The following PACRGL variants were observed in gnomAD, a reference collection of about 807,000 sequenced individuals.
The protein encoded by PACRGL is PACRG-like protein.
A neutral mutation model predicts 34.5 loss-of-function variants in PACRGL; 38 were observed. That is an observed-to-expected ratio of 1.10 (90% CI 0.85 to 1.44). The LOEUF is 1.44. Among genes scored for constraint, PACRGL ranks in the 40% most tolerant of loss-of-function variants. The probability of loss-of-function intolerance (pLI) is 0.00; values close to 1 mark genes in which losing one functional copy is unlikely to be tolerated. For missense variants in PACRGL, 305 were observed against 281.4 expected (o/e 1.08, Z -0.60); for synonymous variants, 128 against 100.1 (o/e 1.28, Z -1.66).
chr4:20,715,971 G>A (rs1739766252), intron 7 of PACRGL: 3 of 734,280 alleles, frequency 4.1e-6, no homozygotes, highest in Non-Finnish European at 6.5e-6. Context: ...ACTGTCTTGT[G>A]TAATTATATG....
At chr4:20,761,073 T>C in the PACRGL span, among the ~76,000 whole-genome samples, 4 of 152,182 alleles carry the variant, frequency 2.6e-5, no homozygotes, top group Non-Finnish European at 5.9e-5. Context: ...GGGGGCCTCA[T>C]TGAATCAGTT....
At chr4:20,756,957 T>A (rs1206161412), downstream of PACRGL, among the ~76,000 whole-genome samples, 1 of 152,072 alleles carries the variant, frequency 6.6e-6, no homozygotes, top group Non-Finnish European at 1.5e-5. Context: ...AACCACTACT[T>A]CTTGATTAAT....
At chr4:20,751,660 G>T (rs1753662096) in intron 8 of PACRGL, among the ~76,000 whole-genome samples, 1 of 152,112 alleles carries the variant, frequency 6.6e-6, no homozygotes, top group African/African-American at 2.4e-5. Context: ...CATAAATAAT[G>T]GCTCAAAACA....
At chr4:20,709,804 G>A (rs1468879174) in intron 5 of PACRGL, 31 bp downstream of exon 5, 2 of 1,494,892 alleles carry the variant, frequency 1.3e-6, no homozygotes, top group Non-Finnish European at 1.9e-6. Context: ...ATATTTATCA[G>A]AAAATAAACA....
At chr4:20,734,049 G>A (rs1416151305), downstream of PACRGL, among the ~76,000 whole-genome samples, 1 of 152,110 alleles carries the variant, frequency 6.6e-6, no homozygotes, top group African/African-American at 2.4e-5. Context: ...TTTAGGGAGT[G>A]GTCTTTCAAC....
intron 3 of PACRGL, 143 bp downstream of exon 3, chr4:20,704,957 G>A: frequency 1.1e-6 from 1 of 919,298 alleles, no homozygotes. Flanking sequence ...TTATTATGAT[G>A]AAGAACTGAG....
At chr4:20,753,307 A>T (rs539065320), downstream of PACRGL, among the ~76,000 whole-genome samples, 2 of 151,732 alleles carry the variant, frequency 1.3e-5, no homozygotes, top group East Asian at 3.9e-4. Flanking sequence ...AGTAGAAAAA[A>T]CCCCTAGGAT....
downstream of PACRGL, among the ~76,000 whole-genome samples, chr4:20,753,918 A>G (rs1754070345): frequency 6.6e-6 from 1 of 151,994 alleles, no homozygotes; most frequent in Admixed American, 6.6e-5. Flanking sequence ...TCATTCATTC[A>G]TTCATTCATT....
chr4:20,704,092 C>G (rs1358338444), intron 1 of PACRGL, among the ~76,000 whole-genome samples: 1 of 152,110 alleles, frequency 6.6e-6, no homozygotes, highest in African/African-American at 2.4e-5. Context: ...TTTGGAAATA[C>G]AGAGGCCAGA....
intron 7 of PACRGL, among the ~76,000 whole-genome samples, chr4:20,724,294 A>G (rs115297841): frequency 0.017 from 2,578 of 152,270 alleles, 76 homozygotes; most frequent in African/African-American, 0.059. Flanking sequence ...CTGATGGCCC[A>G]TGGATCTGCA....
chr4:20,716,018 C>T (rs565306542), intron 7 of PACRGL: 67 of 1,280,276 alleles, frequency 5.2e-5, no homozygotes, highest in Non-Finnish European at 6.8e-5. Context: ...TTTTTCATTG[C>T]GATGTTTTAG....
intron 7 of PACRGL, among the ~76,000 whole-genome samples, chr4:20,722,053 G>A (rs1393595200): frequency 1.3e-5 from 2 of 152,224 alleles, no homozygotes; most frequent in African/African-American, 2.4e-5. Flanking sequence ...CCTTGCTGCC[G>A]CCTTGCAGTT....
At chr4:20,700,884 C>G (rs1173822664) in intron 1 of PACRGL, 97 bp downstream of exon 1, 1 of 152,150 alleles carries the variant, frequency 6.6e-6, no homozygotes, top group Non-Finnish European at 1.5e-5. Flanking sequence ...CATCCTGGCT[C>G]TGGACTGGTC....
At position 20,728,017 on chromosome 4, in the gene PACRGL, T is replaced by C. The variant is rs902205470; in HGVS notation, c.*676T>C. 1 of 152,374 alleles carries C rather than the reference T, an allele frequency of 6.6e-6. No individual in the cohort carries two copies. The highest frequency in any genetic ancestry group is 2.4e-5 in the African/African-American group (1 of 41,456). 9.4% of individuals were successfully genotyped at this position (152,374 alleles called of 1,614,324 possible). On this transcript the variant is annotated 3_prime_UTR_variant, in exon 9 of 9. Transcript: ENST00000503585. ...GTTGTCCAGGCTGGTCTCAGAATTC[T>C]GGTGAGTGATCCTCCCACAGTGGAC...
intron 7 of PACRGL, among the ~76,000 whole-genome samples, chr4:20,718,611 T>C (rs1161720714): frequency 6.6e-6 from 1 of 152,246 alleles, no homozygotes; most frequent in East Asian, 1.9e-4. Flanking sequence ...TTTGGTTCTG[T>C]TTATATGCTG....
In PACRGL at chr4:20,709,901, A is replaced by G. The variant is rs533390695; in HGVS notation, c.366+128A>G. ...AAAACGAAGCACACAATAGGCATTGAAACACCACACACCCTTAGGAATGAA... is the reference window on the plus strand; with the variant it reads ...AAAACGAAGCACACAATAGGCATTGGAACACCACACACCCTTAGGAATGAA... On this transcript the variant is annotated intron_variant, in intron 5 of 8. Transcript: ENST00000503585. 149 of 669,838 alleles carry G rather than the reference A, an allele frequency of 2.2e-4. No individual in the cohort carries two copies. In the African/African-American group the frequency reaches 2.4e-3, roughly 11 times the overall value. 41.5% of individuals were successfully genotyped at this position (669,838 alleles called of 1,614,324 possible).
intron 3 of PACRGL, 33 bp downstream of exon 3, chr4:20,704,847 T>A (rs753344293): frequency 1.2e-6 from 2 of 1,607,348 alleles, no homozygotes; most frequent in South Asian, 2.2e-5. Context: ...CTCAGTAGAT[T>A]TTTTAAAGGC....
At chr4:20,767,036 T>C in the PACRGL span, 3 of 152,282 alleles carry the variant, frequency 2.0e-5, no homozygotes, top group East Asian at 5.8e-4. Flanking sequence ...TTACACATCA[T>C]ATTTGGTCAT....
chr4:20,735,518 G>GTTT (rs754949562), downstream of PACRGL, among the ~76,000 whole-genome samples: 19 of 130,802 alleles, frequency 1.5e-4, no homozygotes, highest in African/African-American at 4.6e-4. Flanking sequence ...TTCATTTAGT[G>GTTT]TTTTTTTTTT....
Sources: gnomAD v4.1 joint callset for allele counts (sites outside exome capture counted in the v4.1 genomes callset) on GRCh38, gnomAD v4.1.1 for gene constraint, MANE v1.5 for transcripts, NCBI Gene and HGNC (gene_info 2026-07-23, HGNC 2026-07-21) for gene names.